WNK3: variants seen among roughly 807,000 people sequenced by gnomAD.
WNK3 encodes WNK lysine deficient protein kinase 3, also known as serine/threonine-protein kinase WNK3.
Under a neutral mutation model 116.7 loss-of-function variants are expected in WNK3, and 18 were observed. The observed-to-expected ratio is 0.15, with a 90% CI of 0.11 to 0.23. The LOEUF (loss-of-function observed/expected upper bound fraction) is 0.23, where lower values mean the gene tolerates loss of function less well. Ranked by LOEUF, WNK3 falls within the 10% of genes least tolerant of loss-of-function variation. WNK3 has a pLI of 1.00. For missense variants in WNK3, 993 were observed against 1,323.8 expected, an observed-to-expected ratio of 0.75 and a Z score of 3.88; for synonymous variants, 404 against 469.4, an observed-to-expected ratio of 0.86 and a Z score of 1.80.
At chrX:54,196,157 A>G (rs1444769837) in exon 24 of WNK3, 1 of 111,588 alleles carries the variant, frequency 9.0e-6, no homozygotes, top group Non-Finnish European at 1.9e-5. Flanking sequence ...AAAACAGTGC[A>G]ATGCAAGCAT....
intron 10 of WNK3, among the ~76,000 whole-genome samples, chrX:54,288,168 G>A: frequency 9.0e-6 from 1 of 111,487 alleles, no homozygotes. Context: ...TTTCTGTAGG[G>A]GAAAAGTCAG....
At position 54,253,955 on chromosome X, in the gene WNK3, T is replaced by C. The variant is rs1557154953; in HGVS notation, c.2367+4A>G. The C allele has an allele frequency of 2.6e-6, 3 of 1,170,964 alleles. No homozygotes were observed. Among genetic ancestry groups the C allele is most frequent in the Non-Finnish European group, 2.3e-6 (2 of 862,554 alleles). On this transcript the variant is annotated splice_donor_region_variant and intron_variant, in intron 13 of 23. Transcript: ENST00000354646. ...GGAAGATAATTTGGTCTTACTGCAC[T>C]TACCATATAGTCTGCAATATCCTCT... is the stretch of plus-strand genomic sequence containing the variant.
intron 10 of WNK3, among the ~76,000 whole-genome samples, chrX:54,274,241 T>C (rs2068415929): frequency 8.9e-6 from 1 of 111,781 alleles, no homozygotes; most frequent in African/African-American, 3.2e-5. Context: ...TCTACTACCA[T>C]TCTTCTATGT....
chrX:54,201,228 T>G (rs782536411), intron 23 of WNK3, among the ~76,000 whole-genome samples: 199 of 111,770 alleles, frequency 1.8e-3, no homozygotes, highest in African/African-American at 6.0e-3. Context: ...TGGCTTTTCA[T>G]ATTTCTCTAT....
intron 2 of WNK3, among the ~76,000 whole-genome samples, chrX:54,320,382 T>A (rs2069015160): frequency 8.9e-6 from 1 of 112,120 alleles, no homozygotes; most frequent in African/African-American, 3.2e-5. Flanking sequence ...GCTACATGGA[T>A]CTGTTTCCGC....
At chrX:54,303,405 A>G (rs1557168018) in intron 5 of WNK3, among the ~76,000 whole-genome samples, 2 of 111,190 alleles carry the variant, frequency 1.8e-5, no homozygotes, top group Non-Finnish European at 3.8e-5. Context: ...CCCAAGTAAG[A>G]TCATTGCAGT....
chrX:54,295,205 T>C (rs1336412926), intron 7 of WNK3, among the ~76,000 whole-genome samples: 1 of 98,457 alleles, frequency 1.0e-5, no homozygotes, highest in Non-Finnish European at 2.0e-5. Context: ...CAATTTTAAC[T>C]TTTTTTTTTT....
intron 1 of WNK3, among the ~76,000 whole-genome samples, chrX:54,336,131 T>A (rs191016772): frequency 0.016 from 1,755 of 110,985 alleles, 32 homozygotes; most frequent in African/African-American, 0.055. Flanking sequence ...CTCTATAAAA[T>A]ACAAAAAATT....
At chrX:54,217,788 G>A (rs1322178088) in intron 22 of WNK3, among the ~76,000 whole-genome samples, 1 of 111,304 alleles carries the variant, frequency 9.0e-6, no homozygotes, top group African/African-American at 3.3e-5. Context: ...ATCCAGCAGG[G>A]AATTCAATGG....
chrX:54,225,475 G>T (rs1382249112), intron 22 of WNK3, among the ~76,000 whole-genome samples: 2 of 108,236 alleles, frequency 1.8e-5, no homozygotes, highest in Non-Finnish European at 3.8e-5. Flanking sequence ...AGAAAAATTA[G>T]CCAGGTGTGG....
intron 10 of WNK3, among the ~76,000 whole-genome samples, chrX:54,286,673 G>A (rs1267045268): frequency 9.0e-6 from 1 of 110,750 alleles, no homozygotes; most frequent in Non-Finnish European, 1.9e-5. Flanking sequence ...AGCACTTTGG[G>A]AGGCTGAGGT....
At chrX:54,212,322 A>T (rs1468122799) in intron 22 of WNK3, among the ~76,000 whole-genome samples, 2 of 112,368 alleles carry the variant, frequency 1.8e-5, no homozygotes, top group Non-Finnish European at 3.8e-5. Context: ...TAAAAAAAAA[A>T]ATCATTTAGG....
intron 22 of WNK3, among the ~76,000 whole-genome samples, chrX:54,222,915 A>AATAATAAT (rs1491230973): frequency 4.9e-5 from 4 of 81,018 alleles, no homozygotes; most frequent in African/African-American, 2.3e-4. Context: ...TAATAATAAT[A>AATAATAAT]ATATATATAT....
At chrX:54,214,222 A>T (rs1465727552) in intron 22 of WNK3, among the ~76,000 whole-genome samples, 1 of 111,004 alleles carries the variant, frequency 9.0e-6, no homozygotes, top group East Asian at 2.8e-4. Flanking sequence ...ACCTCAGATG[A>T]TCCTCCCGCC....
intron 7 of WNK3, among the ~76,000 whole-genome samples, chrX:54,297,721 C>T (rs1557166614): frequency 9.0e-6 from 1 of 111,206 alleles, no homozygotes; most frequent in Admixed American, 9.7e-5. Flanking sequence ...TTATACTCTA[C>T]ATACAAATTT....
chrX:54,210,447 C>T (rs991451287), intron 22 of WNK3, among the ~76,000 whole-genome samples: 2 of 110,729 alleles, frequency 1.8e-5, no homozygotes, highest in East Asian at 5.6e-4. Context: ...ATAGCAAGAC[C>T]CCATCTCTAC....
chrX:54,305,949 G>A (rs1049998761), intron 5 of WNK3, among the ~76,000 whole-genome samples: 6 of 110,395 alleles, frequency 5.4e-5, no homozygotes, highest in Admixed American at 3.9e-4. Flanking sequence ...CAGCTACTCG[G>A]GAGGCTGAGG....
At chrX:54,297,516 G>A (rs782348949) in intron 7 of WNK3, among the ~76,000 whole-genome samples, 12 of 107,932 alleles carry the variant, frequency 1.1e-4, no homozygotes, top group African/African-American at 3.0e-4. Context: ...GGCAGAGGTC[G>A]TGGTGAGCCG....
At chrX:54,193,887 A>G (rs1385188459) in exon 24 of WNK3, 2 of 110,820 alleles carry the variant, frequency 1.8e-5, no homozygotes, top group African/African-American at 3.3e-5. Context: ...AAACAAAGGG[A>G]GGGGGGGAAC....
Sources: allele counts gnomAD v4.1 joint callset (sites outside exome capture counted in the v4.1 genomes callset), GRCh38; gene constraint gnomAD v4.1.1; transcripts MANE v1.5; gene names NCBI Gene and HGNC (gene_info 2026-07-23, HGNC 2026-07-21).